Variants in SI observed in about 807,000 individuals in gnomAD.
SI encodes the protein sucrase-isomaltase.
SI carries 235 observed loss-of-function variants against 253.3 expected under a neutral mutation model. The observed-to-expected ratio is 0.93, with a 90% CI of 0.83 to 1.03. The LOEUF is 1.03. Ranked by LOEUF, SI falls within the 50% of genes least tolerant of loss-of-function variation. The pLI is 0.00. For synonymous variants in SI, 819 were observed against 712.0 expected (o/e 1.15, Z -2.39); for missense variants, 2,442 against 2,211.1 (o/e 1.10, Z -2.09).
chr3:165,065,874 AT>A (rs1576919766), intron 6 of SI, among the ~76,000 whole-genome samples: 1 of 151,818 alleles, frequency 6.6e-6, no homozygotes, highest in African/African-American at 2.4e-5. Flanking sequence ...GTTTGAAAGC[AT>A]TTTTCCCCCA....
At chr3:165,036,618 A>C in intron 21 of SI, 141 bp from the exon 22 acceptor site, 1 of 581,380 alleles carries the variant, frequency 1.7e-6, no homozygotes, top group East Asian at 2.9e-5. Flanking sequence ...ATTTGTATTT[A>C]TATGTATTAA....
chr3:165,028,221 A>C (rs1434817794), intron 25 of SI, among the ~76,000 whole-genome samples: 1 of 151,462 alleles, frequency 6.6e-6, no homozygotes, highest in East Asian at 1.9e-4. Flanking sequence ...TAAAATACTT[A>C]GGTGTATACC....
chr3:164,987,150 C>T lies in SI; in HGVS notation c.5185G>A (p.Gly1729Arg). ...ATCGAGCACTCACCTATACTCTCTC[C>T]ATCATCCCAAAACAGAGAACCCTGT... ...MAQGSLFWDD[G>R]ESIDTYERDL... Residue 1729 changes from glycine to arginine, a missense_variant, in exon 45 of 48, where the codon GGA becomes AGA. Coordinates refer to ENST00000264382, the MANE Select transcript of SI (RefSeq NM_001041.4). 1 of 1,612,956 alleles carries T rather than the reference C, an allele frequency of 6.2e-7. No individual in the cohort carries two copies. The highest frequency in any genetic ancestry group is 8.5e-7 in the Non-Finnish European group (1 of 1,179,100).
At position 165,032,515 on chromosome 3, in the gene SI, T is replaced by C. The variant is rs961028176; in HGVS notation, c.2736+7A>G. On this transcript the variant is annotated splice_region_variant and intron_variant, in intron 24 of 47. Transcript: ENST00000264382. ...ATAGCTAAAATATTTTAAAAGATTG[T>C]AATTACCTGGTTAGAAGCATCATAA... The C allele has an allele frequency of 6.3e-7, 1 of 1,578,374 alleles. No homozygotes were observed. Among genetic ancestry groups the C allele is most frequent in the Non-Finnish European group, 8.7e-7 (1 of 1,150,274 alleles).
intron 28 of SI, among the ~76,000 whole-genome samples, chr3:165,019,319 G>A (rs1184819288): frequency 6.6e-6 from 1 of 151,916 alleles, no homozygotes; most frequent in Non-Finnish European, 1.5e-5. Flanking sequence ...TACAGAATCA[G>A]CATATTCTTT....
At chr3:165,019,315 A>G (rs532383941) in intron 28 of SI, among the ~76,000 whole-genome samples, 1 of 152,074 alleles carries the variant, frequency 6.6e-6, no homozygotes, top group South Asian at 2.1e-4. Context: ...GGAATACAGA[A>G]TCAGCATATT....
chr3:165,027,672 T>C (rs1227073010), intron 25 of SI, among the ~76,000 whole-genome samples: 2 of 151,254 alleles, frequency 1.3e-5, no homozygotes, highest in Non-Finnish European at 3.0e-5. Flanking sequence ...AAGTCAATAA[T>C]TGTGATACAC....
At chr3:165,008,126 AC>A in intron 35 of SI, 128 bp from the exon 36 acceptor site, 1 of 512,772 alleles carries the variant, frequency 2.0e-6, no homozygotes, top group Non-Finnish European at 3.6e-6. Flanking sequence ...ACTATTCTAA[AC>A]AAACAAAATT....
In SI at chr3:165,019,618, C is replaced by T. The variant is rs1391801888; in HGVS notation, c.3407G>A (p.Arg1136Lys). Residue 1136 changes from arginine (R) to lysine (K), a missense_variant, in exon 28 of 48, where the codon AGA becomes AAA. Coordinates refer to ENST00000264382, the MANE Select transcript of SI (RefSeq NM_001041.4). ...LNWNTWGMFT[R>K]DQPPGYKLNS... ...GGTACCTACACCAGGGGGTTGGTCT[C>T]TTGTGAACATTCCCCAAGTATTCCA... 1.9e-6 allele frequency: 3 copies of T among 1,612,278 alleles called. No homozygotes were observed. Among genetic ancestry groups the T allele is most frequent in the African/African-American group, 1.3e-5 (1 of 74,818 alleles).
chr3:165,088,148 C>T, the SI span, among the ~76,000 whole-genome samples: 7 of 151,280 alleles, frequency 4.6e-5, no homozygotes, highest in Admixed American at 1.3e-4. Flanking sequence ...GAGTTCAAGA[C>T]CCCCCTGGAG....
At chr3:165,081,519 C>T (rs560422585), upstream of SI, among the ~76,000 whole-genome samples, 1 of 152,074 alleles carries the variant, frequency 6.6e-6, no homozygotes, top group African/African-American at 2.4e-5. Flanking sequence ...CTCAAATATG[C>T]ACCTTAGGTT....
intron 44 of SI, 102 bp from the exon 45 acceptor site, chr3:164,987,328 A>G: frequency 1.1e-6 from 1 of 924,136 alleles, no homozygotes; most frequent in Non-Finnish European, 1.8e-6. Flanking sequence ...CCAAGCATTA[A>G]GGAGTGTGCA....
intron 33 of SI, 66 bp downstream of exon 33, chr3:165,015,057 T>G (rs1718959440): frequency 1.6e-6 from 2 of 1,252,942 alleles, no homozygotes; most frequent in Non-Finnish European, 2.3e-6. Flanking sequence ...TTTTACTAAT[T>G]AAATGGAAAC....
chr3:164,992,355 G>A lies in SI; in HGVS notation c.4884C>T (p.Phe1628=). The A allele has an allele frequency of 1.9e-6, 3 of 1,613,178 alleles. No homozygotes were observed. The highest frequency in any genetic ancestry group is 2.5e-6 in the Non-Finnish European group (3 of 1,179,402). Residue 1628 remains phenylalanine, a synonymous_variant, in exon 42 of 48, where the codon TTC becomes TTT. Coordinates refer to ENST00000264382, the MANE Select transcript of SI (RefSeq NM_001041.4). ...EKPTWDIFKQ[F]LWGPAFMVTP... ...TAACCATAAATGCTGGACCCCATAA[G>A]AACTGCTTGAATATATCCCAGGTTG...
At chr3:165,066,036 C>A (rs1369581466) in intron 6 of SI, among the ~76,000 whole-genome samples, 1 of 151,710 alleles carries the variant, frequency 6.6e-6, no homozygotes, top group Non-Finnish European at 1.5e-5. Flanking sequence ...ATGGATTCAA[C>A]CAACCAGGGA....
At chr3:165,027,361 A>G (rs1027556110) in intron 25 of SI, among the ~76,000 whole-genome samples, 17 of 151,512 alleles carry the variant, frequency 1.1e-4, no homozygotes, top group South Asian at 6.2e-4. Flanking sequence ...TTCATAGCAG[A>G]ATTTTACCAG....
In SI at chr3:164,992,076, T is replaced by G. The variant is rs1717776879; in HGVS notation, c.4983+101A>C. 1.1e-5 allele frequency: 11 copies of G among 975,692 alleles called. No homozygotes were observed. In the South Asian group the frequency reaches 1.4e-4, roughly 13 times the overall value. The allele number at this position is 975,692 out of a possible 1,614,324, so 60.4% of individuals were successfully genotyped here. On this transcript the variant is annotated intron_variant, in intron 43 of 47. Transcript: ENST00000264382. ...GAAATATGTTACTTTCCACTCTTTT[T>G]AAGTGGAAAGTAAATCCAACATACC...
chr3:165,012,517 C>G (rs1488700258), intron 34 of SI, among the ~76,000 whole-genome samples: 1 of 152,148 alleles, frequency 6.6e-6, no homozygotes, highest in Non-Finnish European at 1.5e-5. Context: ...CAAGCTCCAC[C>G]TCCTGGGTTA....
At chr3:165,039,712 C>T (rs1450077788) in intron 19 of SI, among the ~76,000 whole-genome samples, 175 bp downstream of exon 19, 1 of 151,882 alleles carries the variant, frequency 6.6e-6, no homozygotes, top group Admixed American at 6.6e-5. Context: ...AAGCAATCTA[C>T]TTAATATTTT....
Sources: allele counts gnomAD v4.1 joint callset (sites outside exome capture counted in the v4.1 genomes callset), GRCh38; gene constraint gnomAD v4.1.1; transcripts MANE v1.5; gene names NCBI Gene and HGNC (gene_info 2026-07-23, HGNC 2026-07-21).